GABRG3: variants seen among roughly 807,000 people sequenced by gnomAD.
GABRG3 encodes gamma-aminobutyric acid type A receptor subunit gamma3, also known as gamma-aminobutyric acid receptor subunit gamma-3.
In GABRG3, 25 loss-of-function variants were observed where a neutral mutation model predicts 48.8. That is an observed-to-expected ratio of 0.51 (90% CI 0.37 to 0.72). The LOEUF is 0.72. GABRG3 is among the 30% of genes least tolerant of loss of function. The pLI, the probability that GABRG3 is intolerant of heterozygous loss-of-function variation, is 0.00. For missense variants in GABRG3, 394 were observed against 577.9 expected (o/e 0.68, Z 3.26); for synonymous variants, 227 against 217.6 (o/e 1.04, Z -0.38).
chr15:27,416,781 C>T (rs1414847707), intron 5 of GABRG3, among the ~76,000 whole-genome samples: 1 of 152,142 alleles, frequency 6.6e-6, no homozygotes, highest in Non-Finnish European at 1.5e-5. Context: ...ATCAGCCTGT[C>T]CATTTCAGGG....
chr15:27,126,099 C>A (rs1046151608), intron 3 of GABRG3, among the ~76,000 whole-genome samples: 8 of 152,162 alleles, frequency 5.3e-5, no homozygotes, highest in African/African-American at 1.9e-4. Flanking sequence ...TGGAGAGACA[C>A]AATCTCACGT....
intron 3 of GABRG3, among the ~76,000 whole-genome samples, chr15:27,204,877 TG>T (rs1312820384): frequency 6.6e-6 from 1 of 152,158 alleles, no homozygotes; most frequent in African/African-American, 2.4e-5. Context: ...ACTGATTTTT[TG>T]TACATTGATT....
At position 27,306,771 on chromosome 15, in the gene GABRG3, C is replaced by T. The variant is rs183768454; in HGVS notation, c.271-20038C>T. 3.4e-3 allele frequency among the ~76,000 whole-genome samples: 267 copies of T among 79,066 alleles called. 5 individuals carry two copies. The highest frequency in any genetic ancestry group is 0.011 in the African/African-American group (217 of 19,264). 51.9% of individuals were successfully genotyped at this position (79,066 alleles called of 152,430 possible). The stretch of plus-strand genomic sequence containing the variant: ...ATAAACATGTTTATATATAAACATA[C>T]AATATAAACATGTTTATATATAAAC... On this transcript the variant is annotated intron_variant, in intron 3 of 9. Transcript: ENST00000615808.
chr15:27,305,479 CTG>C (rs929598014), intron 3 of GABRG3, among the ~76,000 whole-genome samples: 2 of 147,188 alleles, frequency 1.4e-5, no homozygotes, highest in African/African-American at 4.9e-5. Flanking sequence ...TGTGTGTGGT[CTG>C]TGTGTTTTTT....
chr15:27,486,817 C>T (rs544619766), intron 6 of GABRG3, among the ~76,000 whole-genome samples: 124 of 152,100 alleles, frequency 8.2e-4, no homozygotes, highest in Non-Finnish European at 1.3e-3. Context: ...ATGTAGTTCC[C>T]GTGAGGAGAA....
chr15:27,487,063 A>G (rs1478158249), intron 6 of GABRG3, among the ~76,000 whole-genome samples: 1 of 152,200 alleles, frequency 6.6e-6, no homozygotes, highest in East Asian at 1.9e-4. Flanking sequence ...TGGGTTTGAA[A>G]GTCATAATTT....
At position 26,971,448 on chromosome 15, in the gene GABRG3, A is replaced by G; in HGVS notation, c.-88A>G. ...CAGCAGCCTCGGAGGAAGCCAGGGC[A>G]AAGAGGGCCGGCGGAGACCAGGTCC... On this transcript the variant is annotated 5_prime_UTR_variant, in exon 1 of 10. Coordinates refer to ENST00000615808, the MANE Select transcript of GABRG3 (RefSeq NM_033223.5). 3 of 1,153,730 alleles carry G rather than the reference A, an allele frequency of 2.6e-6. No homozygotes were observed. The highest frequency in any genetic ancestry group is 3.5e-6 in the Non-Finnish European group (3 of 860,268). The allele number at this position is 1,153,730 out of a possible 1,614,324, so 71.5% of individuals were successfully genotyped here. A position where few individuals can be genotyped will look rare whatever the true frequency, so the allele number is the denominator to read the frequency against.
At chr15:27,399,894 A>G (rs567300988) in intron 5 of GABRG3, among the ~76,000 whole-genome samples, 77 of 152,350 alleles carry the variant, frequency 5.1e-4, no homozygotes, top group African/African-American at 1.7e-3. Context: ...TTCGAAACTC[A>G]AGTCCAGAGC....
chr15:27,003,320 T>C, intron 2 of GABRG3, among the ~76,000 whole-genome samples: 1 of 151,464 alleles, frequency 6.6e-6, no homozygotes, highest in African/African-American at 2.4e-5. Flanking sequence ...GGTCAGCAGA[T>C]AAACAAGTGA....
chr15:26,988,353 C>A (rs1895187333), intron 2 of GABRG3, among the ~76,000 whole-genome samples: 1 of 152,042 alleles, frequency 6.6e-6, no homozygotes, highest in Non-Finnish European at 1.5e-5. Context: ...TTTATGTTTT[C>A]TTAATTAATT....
At chr15:27,226,751 C>A (rs1474153186) in intron 3 of GABRG3, among the ~76,000 whole-genome samples, 3 of 152,194 alleles carry the variant, frequency 2.0e-5, no homozygotes, top group Non-Finnish European at 4.4e-5. Flanking sequence ...CCCCCTCTGG[C>A]CCTGAGAGAT....
In GABRG3 at chr15:27,179,484, G is replaced by A. The variant is rs992750354; in HGVS notation, c.271-147325G>A. ...CCCCTGATTTTTGTGATACAATTTCGCTGGCTTTATGCTTGGTCTGGCTCT... is the reference window on the plus strand; with the variant it reads ...CCCCTGATTTTTGTGATACAATTTCACTGGCTTTATGCTTGGTCTGGCTCT... On this transcript the variant is annotated intron_variant, in intron 3 of 9. Coordinates refer to ENST00000615808, the MANE Select transcript of GABRG3 (RefSeq NM_033223.5). The surrounding 1 kb of genome is among the most constrained non-coding windows in gnomAD (Gnocchi z 4.0). Among the ~76,000 whole-genome samples, 2 of 151,974 alleles carry A rather than the reference G, an allele frequency of 1.3e-5. No homozygotes were observed. Among genetic ancestry groups the A allele is most frequent in the East Asian group, 1.9e-4 (1 of 5,190 alleles).
chr15:27,111,713 A>G (rs1448767741), intron 3 of GABRG3, among the ~76,000 whole-genome samples: 1 of 152,054 alleles, frequency 6.6e-6, no homozygotes, highest in South Asian at 2.1e-4. Context: ...CTGCCTTGGT[A>G]TAGGGGCTGT....
intron 3 of GABRG3, among the ~76,000 whole-genome samples, chr15:27,085,858 T>C (rs1361657818): frequency 6.6e-6 from 1 of 152,206 alleles, no homozygotes; most frequent in Non-Finnish European, 1.5e-5. Flanking sequence ...CTTCCTATGT[T>C]CTGCAAATCT....
chr15:27,328,015 G>A (rs561232553), intron 4 of GABRG3, among the ~76,000 whole-genome samples: 7 of 151,980 alleles, frequency 4.6e-5, no homozygotes, highest in South Asian at 2.1e-4. Context: ...CCACACAGGC[G>A]CAGATGGACA....
At chr15:27,116,151 A>T (rs1307862468) in intron 3 of GABRG3, among the ~76,000 whole-genome samples, 1 of 152,214 alleles carries the variant, frequency 6.6e-6, no homozygotes, top group Non-Finnish European at 1.5e-5. Flanking sequence ...GAGGATAGAG[A>T]ATGTCATCAG....
intron 3 of GABRG3, among the ~76,000 whole-genome samples, chr15:27,322,649 G>A (rs973103676): frequency 3.3e-5 from 5 of 152,132 alleles, no homozygotes; most frequent in Admixed American, 6.5e-5. Flanking sequence ...TGCATTGTAC[G>A]TATGAGGAGA....
At chr15:27,284,215 T>C (rs1891533256) in intron 3 of GABRG3, among the ~76,000 whole-genome samples, 1 of 152,216 alleles carries the variant, frequency 6.6e-6, no homozygotes, top group Admixed American at 6.5e-5. Flanking sequence ...TTCCTTTCTA[T>C]TAACAACTGG....
intron 5 of GABRG3, among the ~76,000 whole-genome samples, chr15:27,421,561 C>G (rs1296660168): frequency 6.6e-6 from 1 of 151,346 alleles, no homozygotes; most frequent in African/African-American, 2.4e-5. Context: ...TCCATCAATA[C>G]TGTTTTAAGG....
Sources: allele counts gnomAD v4.1 joint callset (sites outside exome capture counted in the v4.1 genomes callset), GRCh38; gene constraint gnomAD v4.1.1; non-coding constraint Gnocchi (gnomAD v3.1); transcripts MANE v1.5; gene names NCBI Gene and HGNC (gene_info 2026-07-23, HGNC 2026-07-21).